RIF1: variants seen among roughly 807,000 people sequenced by gnomAD.
RIF1 encodes the protein telomere-associated protein RIF1.
A neutral mutation model predicts 247.1 loss-of-function variants in RIF1; 45 were observed. That is an observed-to-expected ratio of 0.18 (90% CI 0.14 to 0.23). The LOEUF is 0.23. RIF1 is among the 10% of genes least tolerant of loss of function. The probability of loss-of-function intolerance (pLI) is 1.00; values close to 1 mark genes in which losing one functional copy is unlikely to be tolerated. For missense variants in RIF1, 2,967 were observed against 2,862.5 expected, an observed-to-expected ratio of 1.04 and a Z score of -0.83; for synonymous variants, 1,087 against 978.8, an observed-to-expected ratio of 1.11 and a Z score of -2.06.
At chr2:151,410,122 C>G (rs1324708344) in intron 1 of RIF1, 89 bp downstream of exon 1, 1 of 684,828 alleles carries the variant, frequency 1.5e-6, no homozygotes, top group South Asian at 1.5e-5. Context: ...ATGCCTCGTT[C>G]CCCGGGCTTC....
chr2:151,464,313 A>T lies in RIF1; in HGVS notation c.4793A>T (p.Glu1598Val). Reference sequence around the variant, plus strand: ...GTGAAACAGGAATGTATAAAAGCTGAAAATCAGTCACATGATTATAAAGCA... The same window carrying T: ...GTGAAACAGGAATGTATAAAAGCTGTAAATCAGTCACATGATTATAAAGCA... ...KVVKQECIKA[E>V]NQSHDYKATS... Residue 1598 changes from glutamate (E) to valine (V), a missense_variant, in exon 30 of 36, where the codon GAA (glutamate) becomes GTA (valine). Physicochemically the swap from Glu to Val is moderately radical, Grantham distance 121. Around this residue, in one of 7 missense-constraint regions of RIF1, gnomAD observed 2,028 missense variants for 1,825.6 expected, o/e 1.11. Coordinates refer to ENST00000444746, the MANE Select transcript of RIF1 (RefSeq NM_018151.5). The T allele has an allele frequency of 1.2e-6, 2 of 1,611,756 alleles. No homozygotes were observed. Among genetic ancestry groups the T allele is most frequent in the South Asian group, 2.2e-5 (2 of 90,382 alleles).
At position 151,437,288 on chromosome 2, in the gene RIF1, C is replaced by A. The variant is rs202202744; in HGVS notation, c.1420C>A (p.His474Asn). 9.9e-5 allele frequency: 160 copies of A among 1,613,550 alleles called. No homozygotes were observed. The highest frequency in any genetic ancestry group is 1.1e-4 in the Non-Finnish European group (135 of 1,179,812). Residue 474 changes from histidine (H) to asparagine (N), a missense_variant, in exon 13 of 36, where the codon CAT becomes AAT. By Grantham distance (68) the His-to-Asn change is moderately conservative. This residue lies in a region of RIF1 where 369 missense variants were observed against 322.0 expected (regional missense o/e 1.15). Coordinates refer to ENST00000444746, the MANE Select transcript of RIF1 (RefSeq NM_018151.5). ...CAGCAGCCCTTCCTTTTTTTCCAAA[C>A]ATGCAAATACACTTATCACTGCTGT... Reference protein sequence around the residue: ...LISSPSFFSKHANTLITAVHD... With the variant: ...LISSPSFFSKNANTLITAVHD...
At chr2:151,471,581 T>G (rs1406150749) in intron 34 of RIF1, among the ~76,000 whole-genome samples, 1 of 152,242 alleles carries the variant, frequency 6.6e-6, no homozygotes, top group East Asian at 1.9e-4. Context: ...TTCAGCTTTC[T>G]ACATATGGCT....
At chr2:151,468,281 G>T in intron 31 of RIF1, 135 bp downstream of exon 31, 1 of 932,986 alleles carries the variant, frequency 1.1e-6, no homozygotes. Context: ...TCTGGTACAC[G>T]GTAAGCAGAA....
In RIF1 at chr2:151,479,452, T is replaced by G. The variant is rs2049077351; in HGVS notation, c.*4381T>G. On this transcript the variant is annotated 3_prime_UTR_variant, in exon 36 of 36. Transcript: ENST00000444746. ...GTTGATTTCTAAGTATTAGAATATA[T>G]TTAGTCTCTAAATAAATCTTGCCTT... is the stretch of plus-strand genomic sequence containing the variant. The G allele has an allele frequency of 6.6e-6, 1 of 152,222 alleles. No individual in the cohort carries two copies. The highest frequency in any genetic ancestry group is 2.4e-5 in the African/African-American group (1 of 41,462). The allele number at this position is 152,222 out of a possible 1,614,324, so 9.4% of individuals were successfully genotyped here. A position where few individuals can be genotyped will look rare whatever the true frequency, so the allele number is the denominator to read the frequency against.
chr2:151,469,649 C>A, intron 33 of RIF1, 62 bp from the exon 34 acceptor site: 1 of 1,244,136 alleles, frequency 8.0e-7, no homozygotes, highest in Non-Finnish European at 1.1e-6. Flanking sequence ...CTGGATAAAC[C>A]CTTGCAAATA....
At position 151,464,814 on chromosome 2, in the gene RIF1, C is replaced by T; in HGVS notation, c.5294C>T (p.Ala1765Val). The T allele has an allele frequency of 6.2e-7, 1 of 1,613,882 alleles. No homozygotes were observed. Among genetic ancestry groups the T allele is most frequent in the Non-Finnish European group, 8.5e-7 (1 of 1,179,936 alleles). Residue 1765 changes from alanine (A) to valine (V), a missense_variant, in exon 30 of 36, where the codon GCA becomes GTA. By Grantham distance (64) the Ala-to-Val change is moderately conservative (BLOSUM62 0). Transcript: ENST00000444746. The part of the protein sequence containing the change: ...NDVEISETKK[A>V]DVQAPVSPSE... ...GTAGAGATTAGTGAAACAAAAAAGG[C>T]AGATGTGCAAGCACCTGTAAGCCCA...
chr2:151,428,956 G>T, intron 9 of RIF1, 34 bp downstream of exon 9: 2 of 1,348,156 alleles, frequency 1.5e-6, no homozygotes, highest in Non-Finnish European at 2.1e-6. Flanking sequence ...GATTTTCTGT[G>T]AATTTGTTTT....
At chr2:151,426,157 T>C (rs2152256246) in intron 8 of RIF1, among the ~76,000 whole-genome samples, 1 of 147,154 alleles carries the variant, frequency 6.8e-6, no homozygotes, top group Non-Finnish European at 1.5e-5. Flanking sequence ...TCAGGATTGT[T>C]TTGGCTTTTA....
At chr2:151,510,704 CT>C (rs1320395986), downstream of RIF1, among the ~76,000 whole-genome samples, 1 of 152,056 alleles carries the variant, frequency 6.6e-6, no homozygotes, top group Non-Finnish European at 1.5e-5. Context: ...ACAAATTAAG[CT>C]TTGTCATAGG....
chr2:151,419,062 A>G (rs940785647), intron 6 of RIF1, among the ~76,000 whole-genome samples: 12 of 143,454 alleles, frequency 8.4e-5, no homozygotes, highest in African/African-American at 2.4e-4. Flanking sequence ...GGATCATTCT[A>G]CTGTCTCCCA....
intron 13 of RIF1, chr2:151,507,262 A>G (rs1034848669): frequency 6.1e-5 from 25 of 408,218 alleles, no homozygotes; most frequent in African/African-American, 4.6e-4. Context: ...TTTAACTTTG[A>G]AAAAGATAGA....
rs765021842 is a variant in RIF1, at chr2:151,492,098, C to T, written c.*416-3131C>T. On this transcript the variant is annotated intron_variant and NMD_transcript_variant, in intron 9 of 13. Coordinates refer to the RIF1 transcript ENST00000454583. The stretch of plus-strand genomic sequence containing the variant: ...CCTCCCCCAACCCAGGCTCAGTTAC[C>T]TGTAATAGTCTCCTGATCTTGGTCA... 1.9e-6 allele frequency: 3 copies of T among 1,613,808 alleles called. No individual in the cohort carries two copies. The South Asian group carries it at 3.3e-5, about 18-fold the overall frequency.
chr2:151,474,137 A>AT (rs958451023), intron 35 of RIF1, 65 bp downstream of exon 35: 28 of 805,208 alleles, frequency 3.5e-5, no homozygotes, highest in African/African-American at 7.0e-5. Flanking sequence ...GAAATATGTT[A>AT]TTTTTTTTAG....
At chr2:151,471,491 T>G (rs1298132259) in intron 34 of RIF1, among the ~76,000 whole-genome samples, 1 of 152,212 alleles carries the variant, frequency 6.6e-6, no homozygotes, top group East Asian at 1.9e-4. Context: ...TCTAGGGCTT[T>G]TATGGTTTTA....
At chr2:151,514,751 C>T in the RIF1 span, 1 of 1,144,212 alleles carries the variant, frequency 8.7e-7, no homozygotes, top group Admixed American at 2.2e-5. Context: ...AGGAGGAACA[C>T]ATTAATGAGT....
At chr2:151,456,945 G>A (rs1022567122) in intron 23 of RIF1, among the ~76,000 whole-genome samples, 3 of 152,118 alleles carry the variant, frequency 2.0e-5, no homozygotes, top group Non-Finnish European at 4.4e-5. Flanking sequence ...TGTTGGGCAG[G>A]CTTGTCTCGA....
chr2:151,429,051 G>A, intron 9 of RIF1, 129 bp downstream of exon 9: 1 of 614,466 alleles, frequency 1.6e-6, no homozygotes, highest in Non-Finnish European at 2.8e-6. Flanking sequence ...TTCATTTTAA[G>A]GGAACAGGAA....
chr2:151,418,968 CT>C (rs36020810), intron 6 of RIF1, among the ~76,000 whole-genome samples: 5,038 of 111,612 alleles, frequency 0.045, 129 homozygotes, highest in African/African-American at 0.073. Flanking sequence ...GCCTTAAATT[CT>C]TTTTTTTTTT....
Sources: gnomAD v4.1 joint callset for allele counts (sites outside exome capture counted in the v4.1 genomes callset) on GRCh38, gnomAD v4.1.1 for gene constraint, gnomAD v4.1.1 regional missense constraint, MANE v1.5 for transcripts, NCBI Gene and HGNC (gene_info 2026-07-23, HGNC 2026-07-21) for gene names.